The following TMEM170B variants were observed in gnomAD, a reference collection of about 807,000 sequenced individuals.
The protein encoded by TMEM170B is transmembrane protein 170B.
In TMEM170B, 6 loss-of-function variants were observed where a neutral mutation model predicts 13.0. The ratio of observed to expected loss-of-function variants is 0.46; its 90% CI spans 0.25 to 0.91. The LOEUF is 0.91. Among genes scored for constraint, TMEM170B ranks in the 40% least tolerant of loss-of-function variants. TMEM170B has a pLI of 0.17. For missense variants in TMEM170B, 138 were observed against 165.2 expected (o/e 0.84, Z 0.90); for synonymous variants, 61 against 64.9 (o/e 0.94, Z 0.29).
At chr6:11,547,141 A>G (rs140190840) in intron 1 of TMEM170B, among the ~76,000 whole-genome samples, 3 of 152,368 alleles carry the variant, frequency 2.0e-5, no homozygotes, top group Non-Finnish European at 2.9e-5. Flanking sequence ...ACATGCACAT[A>G]TACATACTAC....
intron 2 of TMEM170B, among the ~76,000 whole-genome samples, chr6:11,569,292 TTA>T (rs1759771146): frequency 6.6e-6 from 1 of 152,176 alleles, no homozygotes. Context: ...GCAGAAATCC[TTA>T]GTTTCGACAT....
intron 2 of TMEM170B, among the ~76,000 whole-genome samples, chr6:11,573,027 C>G (rs995413465): frequency 1.3e-5 from 2 of 152,036 alleles, no homozygotes; most frequent in Admixed American, 6.6e-5. Flanking sequence ...TACAGAAATG[C>G]TGTATTGATT....
intron 1 of TMEM170B, among the ~76,000 whole-genome samples, chr6:11,553,731 C>A (rs1239344456): frequency 6.6e-6 from 1 of 152,130 alleles, no homozygotes; most frequent in East Asian, 1.9e-4. Context: ...AAACTTGTTT[C>A]TTTAATCTTT....
chr6:11,545,869 G>A (rs557715469), intron 1 of TMEM170B, among the ~76,000 whole-genome samples: 158 of 151,554 alleles, frequency 1.0e-3, no homozygotes, highest in Admixed American at 2.2e-3. Flanking sequence ...AAAATTAGCC[G>A]GGCGTGGTGG....
At chr6:11,542,947 C>A (rs1759381629) in intron 1 of TMEM170B, among the ~76,000 whole-genome samples, 1 of 152,074 alleles carries the variant, frequency 6.6e-6, no homozygotes, top group Admixed American at 6.6e-5. Context: ...TTAAATTGTC[C>A]CAAATCTTAT....
chr6:11,581,676 T>G lies in TMEM170B; in HGVS notation c.*6115T>G, dbSNP rs1440565661. 2.6e-5 allele frequency: 4 copies of G among 152,232 alleles called. No individual in the cohort carries two copies. Among genetic ancestry groups the G allele is most frequent in the African/African-American group, 7.2e-5 (3 of 41,454 alleles). 9.4% of individuals were successfully genotyped at this position (152,232 alleles called of 1,614,324 possible). A position where few individuals can be genotyped will look rare whatever the true frequency, so the allele number is the denominator to read the frequency against. ...AAAAATCACCACTTTAAAAATTTTA[T>G]TCTGTCTTGCTGAATTAAGCAGAAA... On this transcript the variant is annotated 3_prime_UTR_variant, in exon 3 of 3. Coordinates refer to ENST00000379426, the MANE Select transcript of TMEM170B (RefSeq NM_001100829.3).
chr6:11,561,031 C>T (rs898385624), intron 1 of TMEM170B, among the ~76,000 whole-genome samples: 9 of 152,094 alleles, frequency 5.9e-5, no homozygotes, highest in African/African-American at 2.2e-4. Flanking sequence ...GCCTTTTACC[C>T]CACCAAAAAG....
chr6:11,540,991 C>T (rs1582136340), intron 1 of TMEM170B, among the ~76,000 whole-genome samples: 1 of 151,878 alleles, frequency 6.6e-6, no homozygotes, highest in Non-Finnish European at 1.5e-5. Flanking sequence ...TTTTTCTGAG[C>T]AGTTCTCAAC....
chr6:11,547,993 C>T (rs1759462983), intron 1 of TMEM170B, among the ~76,000 whole-genome samples: 1 of 151,924 alleles, frequency 6.6e-6, no homozygotes, highest in Non-Finnish European at 1.5e-5. Context: ...AGAAAAGAAA[C>T]CTAAACAGAA....
chr6:11,550,722 G>C (rs1293238871), intron 1 of TMEM170B, among the ~76,000 whole-genome samples: 1 of 152,152 alleles, frequency 6.6e-6, no homozygotes, highest in Non-Finnish European at 1.5e-5. Context: ...TATTAATTCA[G>C]TTTGTAAAAG....
At position 11,575,621 on chromosome 6, in the gene TMEM170B, C is replaced by T; in HGVS notation, c.*60C>T. On this transcript the variant is annotated 3_prime_UTR_variant, in exon 3 of 3. Coordinates refer to ENST00000379426, the MANE Select transcript of TMEM170B (RefSeq NM_001100829.3). This position sits in a 1 kb window ranked among gnomAD's most constrained non-coding sequence, Gnocchi z 4.1. ...AACAGATGTACAGATTCCCTGAAAA[C>T]GGCATTGTTAACAAGTGGAAATGAA... 3 of 1,589,424 alleles carry T rather than the reference C, an allele frequency of 1.9e-6. No individual in the cohort carries two copies. The highest frequency in any genetic ancestry group is 1.1e-5 in the South Asian group (1 of 90,164).
chr6:11,541,785 C>A (rs1485899529), intron 1 of TMEM170B, among the ~76,000 whole-genome samples: 1 of 152,118 alleles, frequency 6.6e-6, no homozygotes, highest in African/African-American at 2.4e-5. Flanking sequence ...ATATCTGACT[C>A]TTTTTTTCAC....
intron 1 of TMEM170B, among the ~76,000 whole-genome samples, chr6:11,556,858 A>G (rs1367706908): frequency 1.3e-5 from 2 of 152,132 alleles, no homozygotes; most frequent in African/African-American, 4.8e-5. Context: ...GCCTTGAATA[A>G]GAGAAGGGTC....
chr6:11,567,279 G>T (rs1759746298), intron 2 of TMEM170B, among the ~76,000 whole-genome samples: 1 of 152,222 alleles, frequency 6.6e-6, no homozygotes. Flanking sequence ...TGTTGATTCT[G>T]TGACTGCCAA....
intron 2 of TMEM170B, among the ~76,000 whole-genome samples, chr6:11,574,490 A>T (rs1248863312): frequency 6.6e-6 from 1 of 152,170 alleles, no homozygotes; most frequent in Non-Finnish European, 1.5e-5. Flanking sequence ...GTAATTGTCA[A>T]TTCAGTATTT....
At position 11,575,515 on chromosome 6, in the gene TMEM170B, T is replaced by A; in HGVS notation, c.353T>A (p.Val118Glu). ...CTGGTATGGGGCGTTGGACAGACTG[T>A]ACTGACATTAATCATCTCCTTTTCA... ...EALVWGVGQTVLTLIISFSRI... is the reference protein window; with the variant it reads ...EALVWGVGQTELTLIISFSRI... Residue 118 changes from valine (V) to glutamate (E), a missense_variant, in exon 3 of 3, where the codon GTA (valine) becomes GAA (glutamate). Transcript: ENST00000379426. The surrounding 1 kb of genome is among the most constrained non-coding windows in gnomAD (Gnocchi z 4.1). The A allele has an allele frequency of 6.2e-7, 1 of 1,613,426 alleles. No individual in the cohort carries two copies. The highest frequency in any genetic ancestry group is 8.5e-7 in the Non-Finnish European group (1 of 1,179,554).
chr6:11,542,434 CA>C (rs1215892660), intron 1 of TMEM170B, among the ~76,000 whole-genome samples: 1 of 152,102 alleles, frequency 6.6e-6, no homozygotes, highest in East Asian at 1.9e-4. Context: ...TAATACTTGC[CA>C]GTTGCTCATT....
chr6:11,559,757 C>G (rs1021351305), intron 1 of TMEM170B, among the ~76,000 whole-genome samples: 1 of 151,728 alleles, frequency 6.6e-6, no homozygotes, highest in Non-Finnish European at 1.5e-5. Flanking sequence ...TTGAAATAAC[C>G]CAATTTGGAC....
intron 2 of TMEM170B, among the ~76,000 whole-genome samples, chr6:11,574,445 AT>A (rs1391571077): frequency 6.6e-6 from 1 of 152,166 alleles, no homozygotes; most frequent in African/African-American, 2.4e-5. Flanking sequence ...TAAAAATTAT[AT>A]TCTAATTTTC....
Sources: gnomAD v4.1 joint callset for allele counts (sites outside exome capture counted in the v4.1 genomes callset) on GRCh38, gnomAD v4.1.1 for gene constraint, Gnocchi (gnomAD v3.1) non-coding constraint, MANE v1.5 for transcripts, NCBI Gene and HGNC (gene_info 2026-07-23, HGNC 2026-07-21) for gene names.